Variants in EIF3H observed in about 807,000 individuals in gnomAD.
EIF3H encodes the protein eukaryotic translation initiation factor 3 subunit H, also known as eIF-3-gamma.
EIF3H carries 26 observed loss-of-function variants against 44.2 expected under a neutral mutation model. The observed-to-expected ratio is 0.59, with a 90% CI of 0.43 to 0.82. The LOEUF (loss-of-function observed/expected upper bound fraction) is 0.82, where lower values mean the gene tolerates loss of function less well. Ranked by LOEUF, EIF3H falls within the 40% of genes least tolerant of loss-of-function variation. EIF3H has a pLI of 0.00. For synonymous variants in EIF3H, 166 were observed against 151.9 expected (o/e 1.09, Z -0.68); for missense variants, 359 against 432.8 (o/e 0.83, Z 1.51).
chr8:116,720,579 G>A (rs1367972974), intron 2 of EIF3H, among the ~76,000 whole-genome samples: 2 of 152,176 alleles, frequency 1.3e-5, no homozygotes, highest in East Asian at 3.9e-4. Flanking sequence ...CCGAAAATGT[G>A]GAAGTGACTT....
intron 2 of EIF3H, among the ~76,000 whole-genome samples, chr8:116,678,837 C>T (rs1255881008): frequency 4.7e-4 from 68 of 144,580 alleles, no homozygotes; most frequent in Admixed American, 4.1e-3. Context: ...CTCCGCCCGG[C>T]AGCCACCCCG....
intron 5 of EIF3H, 113 bp from the exon 6 acceptor site, chr8:116,649,039 G>T: frequency 1.2e-6 from 1 of 839,662 alleles, no homozygotes; most frequent in Admixed American, 3.3e-5. Flanking sequence ...AAGAATGAGA[G>T]CACACATATG....
At chr8:116,665,325 T>C (rs1469434158) in intron 2 of EIF3H, among the ~76,000 whole-genome samples, 1 of 152,202 alleles carries the variant, frequency 6.6e-6, no homozygotes, top group Non-Finnish European at 1.5e-5. Context: ...CTACAGTTGA[T>C]AATTATCACA....
chr8:116,733,429 C>T (rs1814983220), intron 1 of EIF3H, among the ~76,000 whole-genome samples: 1 of 152,170 alleles, frequency 6.6e-6, no homozygotes, highest in Admixed American at 6.5e-5. Context: ...CTGCTCCATC[C>T]TGAGGGGCCT....
chr8:116,705,849 T>C (rs945216152), intron 2 of EIF3H, among the ~76,000 whole-genome samples: 1 of 152,004 alleles, frequency 6.6e-6, no homozygotes, highest in African/African-American at 2.4e-5. Flanking sequence ...ATCTCAGTAA[T>C]ATAAGATGGG....
At chr8:116,660,377 A>G (rs988831271) in intron 2 of EIF3H, among the ~76,000 whole-genome samples, 4 of 152,228 alleles carry the variant, frequency 2.6e-5, no homozygotes, top group African/African-American at 9.6e-5. Context: ...CATAAAGTAT[A>G]AAAGAGTGTT....
rs564758817 is a variant in EIF3H at position 116,733,608 on chromosome 8, T to TA, written c.133-7437dup. Among the ~76,000 whole-genome samples, 1,386 of 148,086 alleles carry TA rather than the reference T, an allele frequency of 9.4e-3. 23 individuals are homozygous for TA. The highest frequency in any genetic ancestry group is 0.031 in the African/African-American group (1,235 of 40,396). On this transcript the variant is annotated intron_variant, in intron 1 of 7. Transcript: ENST00000521861. ...ATGTATTTCAAGGCCCTTTAAAATT[T>TA]AAAAAAAAAACAAACTCTTAAAAAA...
chr8:116,739,168 T>A (rs1408871717), intron 1 of EIF3H, among the ~76,000 whole-genome samples: 2 of 152,256 alleles, frequency 1.3e-5, no homozygotes, highest in African/African-American at 4.8e-5. Context: ...AACAACAGCA[T>A]GAGCGATCCG....
chr8:116,752,724 GA>G (rs1554603835), intron 1 of EIF3H, among the ~76,000 whole-genome samples: 30 of 120,380 alleles, frequency 2.5e-4, no homozygotes, highest in Non-Finnish European at 3.2e-4. Context: ...AAGAAAGAAA[GA>G]AAGAAAGAAG....
rs192076195 is a variant in EIF3H at position 116,713,641 on chromosome 8, C to G, written c.289+12375G>C. Reference sequence around the variant, plus strand: ...GATTTTGCTTCTCGTATATTCTAATCACCTTAATAAACCAAAAACCAAACA... The same window carrying G: ...GATTTTGCTTCTCGTATATTCTAATGACCTTAATAAACCAAAAACCAAACA... On this transcript the variant is annotated intron_variant, in intron 2 of 7. Transcript: ENST00000521861. Among the ~76,000 whole-genome samples the G allele has an allele frequency of 2.9e-4, 44 of 152,174 alleles. No individual in the cohort carries two copies. In the East Asian group the frequency reaches 8.1e-3, roughly 28 times the overall value.
intron 7 of EIF3H, 146 bp from the exon 8 acceptor site, chr8:116,645,249 G>T (rs999077622): frequency 3.2e-6 from 2 of 631,870 alleles, no homozygotes; most frequent in Admixed American, 2.9e-5. Flanking sequence ...TAAGGGATAA[G>T]AAATACAAGT....
At chr8:116,652,652 G>A (rs939607960) in intron 5 of EIF3H, among the ~76,000 whole-genome samples, 7 of 151,920 alleles carry the variant, frequency 4.6e-5, no homozygotes, top group Non-Finnish European at 1.0e-4. Flanking sequence ...ATATACAATT[G>A]GTGAATCTAA....
At chr8:116,747,743 A>G (rs1047331607) in intron 1 of EIF3H, among the ~76,000 whole-genome samples, 2 of 152,242 alleles carry the variant, frequency 1.3e-5, no homozygotes, top group Admixed American at 6.5e-5. Context: ...TCATAAGAGT[A>G]TCACAAAAAA....
chr8:116,737,229 C>T (rs1370417216), intron 1 of EIF3H: 9 of 446,210 alleles, frequency 2.0e-5, no homozygotes, highest in Non-Finnish European at 3.1e-5. Flanking sequence ...TTGAAAAGAT[C>T]TACGAACCTC....
rs1191992159 is a variant in EIF3H, at chr8:116,655,941, A to C, written c.622T>G (p.Ser208Ala). The C allele has an allele frequency of 2.5e-6, 4 of 1,613,612 alleles. No individual in the cohort carries two copies. The highest frequency in any genetic ancestry group is 1.7e-6 in the Non-Finnish European group (2 of 1,179,730). Residue 208 changes from serine to alanine, a missense_variant, in exon 5 of 8, where the codon TCA (serine) becomes GCA (alanine). Ser to Ala is a moderately conservative substitution (Grantham distance 99, BLOSUM62 1). Coordinates refer to ENST00000521861, the MANE Select transcript of EIF3H (RefSeq NM_003756.3). ...CACATTAGGACATTGATCAGATGTG[A>C]ATTTTTAATTACAATCGGCACTTCT... ...FEEVPIVIKN[S>A]HLINVLMWEL...
At chr8:116,757,675 ATAACT>A (rs1450777582), upstream of EIF3H, among the ~76,000 whole-genome samples, 2 of 152,214 alleles carry the variant, frequency 1.3e-5, no homozygotes, top group Admixed American at 6.5e-5. Flanking sequence ...TGAATAAAAA[ATAACT>A]TAAATGGCAA....
chr8:116,694,280 T>C (rs2130867053), intron 2 of EIF3H, among the ~76,000 whole-genome samples: 1 of 152,322 alleles, frequency 6.6e-6, no homozygotes. Context: ...TATAAAACTT[T>C]TAATCTTTGC....
chr8:116,681,734 C>T (rs180819175), intron 2 of EIF3H, among the ~76,000 whole-genome samples: 1 of 151,334 alleles, frequency 6.6e-6, no homozygotes, highest in East Asian at 1.9e-4. Context: ...ATTATACCAA[C>T]CTAATAACTA....
At chr8:116,660,522 T>C (rs941989048) in intron 2 of EIF3H, among the ~76,000 whole-genome samples, 2 of 152,192 alleles carry the variant, frequency 1.3e-5, no homozygotes, top group African/African-American at 4.8e-5. Flanking sequence ...ATTGCGTGTT[T>C]TTTGAGATTT....
Sources: gnomAD v4.1 joint callset for allele counts (sites outside exome capture counted in the v4.1 genomes callset) on GRCh38, gnomAD v4.1.1 for gene constraint, MANE v1.5 for transcripts, NCBI Gene and HGNC (gene_info 2026-07-23, HGNC 2026-07-21) for gene names.